The following FHOD3 variants were observed in gnomAD, a reference collection of about 807,000 sequenced individuals.
The protein encoded by FHOD3 is formin homology 2 domain containing 3, also known as FH1/FH2 domain-containing protein 3.
A neutral mutation model predicts 173.0 loss-of-function variants in FHOD3; 90 were observed. The observed-to-expected ratio is 0.52, with a 90% confidence interval of 0.44 to 0.62. The LOEUF (loss-of-function observed/expected upper bound fraction) is 0.62, where lower values mean the gene tolerates loss of function less well. Among genes scored for constraint, FHOD3 ranks in the 20% least tolerant of loss-of-function variants. The pLI is 0.00. For missense variants in FHOD3, 1,945 were observed against 2,034.7 expected (o/e 0.96, Z 0.85); for synonymous variants, 828 against 823.0 (o/e 1.01, Z -0.10).
At chr18:36,495,490 C>T (rs890784614) in intron 3 of FHOD3, among the ~76,000 whole-genome samples, 17 of 152,158 alleles carry the variant, frequency 1.1e-4, no homozygotes, top group African/African-American at 3.4e-4. Flanking sequence ...GTTTGGGATT[C>T]GCATATAGGT....
chr18:36,323,707 C>T (rs1421197239), intron 1 of FHOD3, among the ~76,000 whole-genome samples: 1 of 152,234 alleles, frequency 6.6e-6, no homozygotes, highest in Non-Finnish European at 1.5e-5. Context: ...TTGCCACACA[C>T]CTAATCTCAC....
rs138340381 is a variant in FHOD3 at position 36,687,406 on chromosome 18, C to T, written c.2021+228C>T. Among the ~76,000 whole-genome samples, 1,241 of 152,220 alleles carry T rather than the reference C, an allele frequency of 8.2e-3. 13 individuals carry two copies. Among genetic ancestry groups the T allele is most frequent in the Non-Finnish European group, 0.014 (977 of 68,024 alleles). On this transcript the variant is annotated intron_variant, in intron 16 of 28. Coordinates refer to ENST00000590592, the MANE Select transcript of FHOD3 (RefSeq NM_001281740.3). Reference sequence around the variant, plus strand: ...GTGTGTCTATTCCTTCAAATGAGCACGTTTATGTTAGCATAATGACATAGG... The same window carrying T: ...GTGTGTCTATTCCTTCAAATGAGCATGTTTATGTTAGCATAATGACATAGG...
chr18:36,352,135 G>A (rs1201901681), intron 1 of FHOD3, among the ~76,000 whole-genome samples: 5 of 152,116 alleles, frequency 3.3e-5, no homozygotes, highest in African/African-American at 1.2e-4. Context: ...AAATTGGCTA[G>A]GCACAATGGT....
chr18:36,326,892 A>T (rs550053415), intron 1 of FHOD3, among the ~76,000 whole-genome samples: 33 of 152,342 alleles, frequency 2.2e-4, no homozygotes, highest in African/African-American at 7.7e-4. Context: ...AGGAGCAGAT[A>T]CCCAGCCCAA....
chr18:36,563,903 A>G (rs1228771070), intron 5 of FHOD3, among the ~76,000 whole-genome samples: 1 of 150,102 alleles, frequency 6.7e-6, no homozygotes, highest in African/African-American at 2.5e-5. Flanking sequence ...GCTCCATTCC[A>G]CTCTGCTTGG....
intron 3 of FHOD3, among the ~76,000 whole-genome samples, chr18:36,494,429 C>T (rs1462883273): frequency 6.6e-6 from 1 of 152,210 alleles, no homozygotes; most frequent in East Asian, 1.9e-4. Context: ...TCTGATTACA[C>T]CTTCTTGTGG....
chr18:36,733,065 A>G (rs923350110), intron 20 of FHOD3, among the ~76,000 whole-genome samples: 4 of 152,218 alleles, frequency 2.6e-5, no homozygotes, highest in Non-Finnish European at 5.9e-5. Flanking sequence ...GTAGAGAGCA[A>G]TCATGCACCC....
intron 6 of FHOD3, among the ~76,000 whole-genome samples, chr18:36,578,258 G>A (rs546025263): frequency 3.9e-5 from 6 of 152,250 alleles, no homozygotes; most frequent in East Asian, 1.9e-4. Flanking sequence ...AAATCATGGC[G>A]GAAGGCGGAG....
intron 20 of FHOD3, 150 bp from the exon 21 acceptor site, chr18:36,740,506 C>A: frequency 1.2e-6 from 1 of 802,388 alleles, no homozygotes. Context: ...GGTCAAGTTG[C>A]TTCAAGTATA....
intron 3 of FHOD3, among the ~76,000 whole-genome samples, chr18:36,464,806 C>G (rs28706501): frequency 0.025 from 3,843 of 152,006 alleles, 98 homozygotes; most frequent in African/African-American, 0.064. Flanking sequence ...AAAGACTCAT[C>G]TTTCAGCACT....
intron 16 of FHOD3, 81 bp from the exon 17 acceptor site, chr18:36,693,128 G>A: frequency 7.3e-7 from 1 of 1,373,060 alleles, no homozygotes; most frequent in Non-Finnish European, 1.0e-6. Flanking sequence ...GGCTCATTCT[G>A]CAGGTGTTTC....
intron 3 of FHOD3, among the ~76,000 whole-genome samples, chr18:36,399,216 C>T (rs759192859): frequency 7.9e-5 from 12 of 152,056 alleles, no homozygotes; most frequent in Non-Finnish European, 1.0e-4. Flanking sequence ...TTTCCATGGC[C>T]CCAGATTGCT....
chr18:36,526,452 A>G (rs978103916), intron 5 of FHOD3, among the ~76,000 whole-genome samples: 1 of 151,884 alleles, frequency 6.6e-6, no homozygotes, highest in African/African-American at 2.4e-5. Context: ...TTGAGACTGA[A>G]TCTTGCTCTG....
intron 5 of FHOD3, among the ~76,000 whole-genome samples, chr18:36,573,588 C>A (rs368616536): frequency 7.3e-4 from 111 of 152,224 alleles, no homozygotes; most frequent in African/African-American, 2.5e-3. Context: ...TGGGTGACAG[C>A]GTGAGACCGT....
chr18:36,763,662 A>G (rs1251657785), intron 27 of FHOD3, among the ~76,000 whole-genome samples: 5 of 149,278 alleles, frequency 3.3e-5, no homozygotes, highest in African/African-American at 1.2e-4. Context: ...CACGTTATAT[A>G]TAATATATAT....
chr18:36,682,554 T>C (rs2038319843), intron 15 of FHOD3, among the ~76,000 whole-genome samples: 2 of 152,160 alleles, frequency 1.3e-5, no homozygotes, highest in African/African-American at 4.8e-5. Context: ...TTAATGAGGA[T>C]TTACAGATTT....
At chr18:36,557,204 A>C (rs1012053529) in intron 5 of FHOD3, among the ~76,000 whole-genome samples, 1 of 152,168 alleles carries the variant, frequency 6.6e-6, no homozygotes, top group Non-Finnish European at 1.5e-5. Flanking sequence ...ATTTTGAACA[A>C]ATTTTGAGAA....
intron 1 of FHOD3, among the ~76,000 whole-genome samples, chr18:36,298,808 G>A (rs1484323773): frequency 1.3e-5 from 2 of 151,964 alleles, no homozygotes; most frequent in Non-Finnish European, 2.9e-5. Flanking sequence ...CCTTTTGCAG[G>A]AGGATAGGCC....
chr18:36,422,650 C>T (rs1477631332), intron 3 of FHOD3, among the ~76,000 whole-genome samples: 1 of 152,214 alleles, frequency 6.6e-6, no homozygotes, highest in Non-Finnish European at 1.5e-5. Context: ...CCACCTCACT[C>T]TGCAGGCTGA....
Sources: allele counts gnomAD v4.1 joint callset (sites outside exome capture counted in the v4.1 genomes callset), GRCh38; gene constraint gnomAD v4.1.1; transcripts MANE v1.5; gene names NCBI Gene and HGNC (gene_info 2026-07-23, HGNC 2026-07-21).